Variants in TOR1B observed in about 807,000 individuals in gnomAD.
The protein encoded by TOR1B is torsin family 1 member B.
A neutral mutation model predicts 29.2 loss-of-function variants in TOR1B; 14 were observed. The observed-to-expected ratio is 0.48, with a 90% CI of 0.32 to 0.75. The LOEUF (loss-of-function observed/expected upper bound fraction) is 0.75, where lower values mean the gene tolerates loss of function less well. TOR1B is among the 30% of genes least tolerant of loss of function. The pLI, the probability that TOR1B is intolerant of heterozygous loss-of-function variation, is 0.04. For missense variants in TOR1B, 400 were observed against 433.9 expected (o/e 0.92, Z 0.69); for synonymous variants, 166 against 179.8 (o/e 0.92, Z 0.62).
At position 129,804,323 on chromosome 9, in the gene TOR1B, G is replaced by T. The variant is rs779433929; in HGVS notation, c.450G>T (p.Lys150Asn). The change falls in exon 2 of 5, where the codon AAG (lysine) becomes AAT (asparagine). Residue 150 changes from lysine (K) to asparagine (N), a missense_variant. By Grantham distance (94) the Lys-to-Asn change is moderately conservative (BLOSUM62 0). Coordinates refer to ENST00000259339, the MANE Select transcript of TOR1B (RefSeq NM_014506.3). ...CTCTGCACTTCCCTCATGAGCAGAA[G>T]ATAAAACTGTACCAGGCAAGAGAAC... ...VSTLHFPHEQKIKLYQDQLQK... is the reference protein window; with the variant it reads ...VSTLHFPHEQNIKLYQDQLQK... The T allele has an allele frequency of 3.2e-5, 51 of 1,612,620 alleles. No homozygotes were observed. Among genetic ancestry groups the T allele is most frequent in the Non-Finnish European group, 2.4e-5 (28 of 1,178,726 alleles).
chr9:129,807,581 G>A (rs1031762692), intron 3 of TOR1B, among the ~76,000 whole-genome samples: 32 of 152,128 alleles, frequency 2.1e-4, no homozygotes, highest in Non-Finnish European at 4.1e-4. Flanking sequence ...GGCCAGGCGC[G>A]GTGGCTCACA....
chr9:129,804,631 C>T (rs1395680038), intron 2 of TOR1B, among the ~76,000 whole-genome samples: 2 of 149,426 alleles, frequency 1.3e-5, no homozygotes, highest in Non-Finnish European at 3.0e-5. Context: ...GAAGCCGAGG[C>T]GGGCGGATCA....
intron 1 of TOR1B, 106 bp downstream of exon 1, chr9:129,803,517 A>T (rs1035296046): frequency 1.7e-6 from 2 of 1,179,498 alleles, no homozygotes; most frequent in Non-Finnish European, 2.1e-6. Context: ...GGCCCGTGGC[A>T]TCTAGACGGC....
Position 129,811,051 on chromosome 9 carries a change from G to C in TOR1B, c.*1468G>C, listed in dbSNP as rs1273907030. ...AGCACAGCTGCAGACACAACAACGTGCAGCATTTTTTACATAAAAATATGG... is the reference window on the plus strand; with the variant it reads ...AGCACAGCTGCAGACACAACAACGTCCAGCATTTTTTACATAAAAATATGG... On this transcript the variant is annotated 3_prime_UTR_variant, in exon 5 of 5. Transcript: ENST00000259339. 6.6e-6 allele frequency: 1 copy of C among 152,088 alleles called. No homozygotes were observed. The highest frequency in any genetic ancestry group is 2.4e-5 in the African/African-American group (1 of 41,380). The allele number at this position is 152,088 out of a possible 1,614,324, so 9.4% of individuals were successfully genotyped here. A position where few individuals can be genotyped will look rare whatever the true frequency, so the allele number is the denominator to read the frequency against.
chr9:129,810,096 G>A lies in TOR1B; in HGVS notation c.*513G>A. 4 of 1,276,048 alleles carry A rather than the reference G, an allele frequency of 3.1e-6. No homozygotes were observed. Among genetic ancestry groups the A allele is most frequent in the Non-Finnish European group, 2.1e-6 (2 of 969,274 alleles). 79.0% of individuals were successfully genotyped at this position (1,276,048 alleles called of 1,614,324 possible). On this transcript the variant is annotated 3_prime_UTR_variant, in exon 5 of 5. Coordinates refer to ENST00000259339, the MANE Select transcript of TOR1B (RefSeq NM_014506.3). ...CAGCACCCGCGCCTCAGAAGCTACG[G>A]TCACAACTAAAGGAGTCCAGGGACT...
Position 129,808,762 on chromosome 9 carries a change from G to A in TOR1B, c.642-143G>A, listed in dbSNP as rs1201947129. On this transcript the variant is annotated intron_variant, in intron 3 of 4. Transcript: ENST00000259339. Reference sequence around the variant, plus strand: ...AGATGGGGTTACTCTATGTTGGTCAGGCTGGCCTTGAACTCCCGACCTCAG... The same window carrying A: ...AGATGGGGTTACTCTATGTTGGTCAAGCTGGCCTTGAACTCCCGACCTCAG... 4.3e-6 allele frequency: 4 copies of A among 924,096 alleles called. No homozygotes were observed. The East Asian group carries it at 1.1e-4, about 26-fold the overall frequency. The allele number at this position is 924,096 out of a possible 1,614,324, so 57.2% of individuals were successfully genotyped here.
In TOR1B at chr9:129,803,244, C is replaced by T. The variant is rs2030259794; in HGVS notation, c.32C>T (p.Ala11Val). MLRAGWLRGA[A>V]ALALLLAARV... ...CGGGCTGGGTGGCTCCGGGGCGCGG[C>T]GGCGCTGGCGCTGCTGCTGGCGGCC... The change falls in exon 1 of 5, where the codon GCG (alanine) becomes GTG (valine). Residue 11 changes from alanine to valine, a missense_variant. Coordinates refer to ENST00000259339, the MANE Select transcript of TOR1B (RefSeq NM_014506.3). 3 of 1,542,634 alleles carry T rather than the reference C, an allele frequency of 1.9e-6. No homozygotes were observed. The highest frequency in any genetic ancestry group is 2.6e-6 in the Non-Finnish European group (3 of 1,151,684).
At position 129,809,646 on chromosome 9, in the gene TOR1B, C is replaced by G; in HGVS notation, c.*63C>G. ...TCCGCACGCCAGAGGCCTTGCCTTTCAGAAGAACCCTGAAGACCGCTTTGG... is the reference window on the plus strand; with the variant it reads ...TCCGCACGCCAGAGGCCTTGCCTTTGAGAAGAACCCTGAAGACCGCTTTGG... On this transcript the variant is annotated 3_prime_UTR_variant, in exon 5 of 5. Coordinates refer to ENST00000259339, the MANE Select transcript of TOR1B (RefSeq NM_014506.3). 1.3e-6 allele frequency: 2 copies of G among 1,598,246 alleles called. No homozygotes were observed. The highest frequency in any genetic ancestry group is 1.7e-5 in the Admixed American group (1 of 57,950).
intron 4 of TOR1B, 70 bp from the exon 5 acceptor site, chr9:129,809,272 T>C: frequency 6.2e-7 from 1 of 1,604,366 alleles, no homozygotes; most frequent in Non-Finnish European, 8.5e-7. Context: ...AGGAATGTGC[T>C]GAGGGTCGGG....
At chr9:129,804,429 T>C in intron 2 of TOR1B, 91 bp downstream of exon 2, 1 of 1,524,792 alleles carries the variant, frequency 6.6e-7, no homozygotes, top group Admixed American at 1.9e-5. Context: ...TCTCTTTCCT[T>C]TGTGTTGCTG....
Position 129,803,402 on chromosome 9 carries a change from A to C in TOR1B, c.190A>C (p.Asn64His). The part of the protein sequence containing the change: ...AECCREERPL[N>H]ASALKLDLEE... ...GTGCTGCCGCGAGGAGCGGCCGCTCAACGCTTCGGGTACGGCGCGCGCGCG... is the reference window on the plus strand; with the variant it reads ...GTGCTGCCGCGAGGAGCGGCCGCTCCACGCTTCGGGTACGGCGCGCGCGCG... Residue 64 changes from asparagine to histidine, a missense_variant, in exon 1 of 5, where the codon AAC becomes CAC. Physicochemically the swap from Asn to His is moderately conservative, Grantham distance 68 (BLOSUM62 1). Transcript: ENST00000259339. The C allele has an allele frequency of 6.5e-7, 1 of 1,542,760 alleles. No individual in the cohort carries two copies. The highest frequency in any genetic ancestry group is 8.7e-7 in the Non-Finnish European group (1 of 1,148,574).
intron 2 of TOR1B, 68 bp from the exon 3 acceptor site, chr9:129,807,120 G>A (rs981958842): frequency 6.6e-7 from 1 of 1,520,988 alleles, no homozygotes; most frequent in African/African-American, 1.4e-5. Context: ...GGAGCAGATG[G>A]AGCCTGCGCG....
rs1169941480 is a variant in TOR1B, at chr9:129,804,070, C to CAGCT, written c.200-2_201dup. ...TCTCTTTGTTCTGGGGCTGTTCTTG[C>CAGCT]AGCTCTCAAGCTGGATTTGGAGGAG... On this transcript the variant is annotated splice_region_variant and splice_polypyrimidine_tract_variant and intron_variant, in intron 1 of 4. Transcript: ENST00000259339. 1 of 1,613,850 alleles carries CAGCT rather than the reference C, an allele frequency of 6.2e-7. No homozygotes were observed. The highest frequency in any genetic ancestry group is 1.1e-5 in the South Asian group (1 of 91,074).
In TOR1B at chr9:129,807,379, T is replaced by G. The variant is rs543571702; in HGVS notation, c.641+16T>G. ...TCTTTCTCAGGTCAGCGGGAGGCGG[T>G]TTTTTGGGGCACACAAGCCCTTCAT... On this transcript the variant is annotated intron_variant, in intron 3 of 4. Transcript: ENST00000259339. The G allele has an allele frequency of 6.2e-7, 1 of 1,610,820 alleles. No individual in the cohort carries two copies. The highest frequency in any genetic ancestry group is 1.1e-5 in the South Asian group (1 of 90,826).
chr9:129,804,144 A>G lies in TOR1B; in HGVS notation c.271A>G (p.Thr91Ala), dbSNP rs1203994247. 1 of 1,614,234 alleles carries G rather than the reference A, an allele frequency of 6.2e-7. No homozygotes were observed. Among genetic ancestry groups the G allele is most frequent in the South Asian group, 1.1e-5 (1 of 91,090 alleles). Residue 91 changes from threonine to alanine, a missense_variant, in exon 2 of 5, where the codon ACT becomes GCT. Thr to Ala is a moderately conservative substitution (Grantham distance 58, BLOSUM62 0). Coordinates refer to ENST00000259339, the MANE Select transcript of TOR1B (RefSeq NM_014506.3). The stretch of plus-strand genomic sequence containing the variant: ...CACGGAAGTGATTTTCAAGGCGCTG[A>G]CTGGCTTCAGGAACAACAAAAATCC... ...LATEVIFKAL[T>A]GFRNNKNPKK...
rs1274356428 is a variant in TOR1B at position 129,810,138 on chromosome 9, G to C, written c.*555G>C. The C allele has an allele frequency of 1.5e-6, 2 of 1,301,850 alleles. No individual in the cohort carries two copies. Among genetic ancestry groups the C allele is most frequent in the Non-Finnish European group, 2.0e-6 (2 of 987,212 alleles). The allele number at this position is 1,301,850 out of a possible 1,614,324, so 80.6% of individuals were successfully genotyped here. A position where few individuals can be genotyped will look rare whatever the true frequency, so the allele number is the denominator to read the frequency against. ...CCAGGGACTTGCTGCAGGCTGGGGG[G>C]CACTGGGTGGTTCTCACCAGCAGGC... On this transcript the variant is annotated 3_prime_UTR_variant, in exon 5 of 5. Coordinates refer to ENST00000259339, the MANE Select transcript of TOR1B (RefSeq NM_014506.3).
Position 129,809,513 on chromosome 9 carries a change from T to C in TOR1B, c.941T>C (p.Phe314Ser). Residue 314 changes from phenylalanine (F) to serine (S), a missense_variant, in exon 5 of 5, where the codon TTC becomes TCC. Physicochemically the swap from Phe to Ser is radical, Grantham distance 155. Transcript: ENST00000259339. ...VTRVAEEMTFFPRDEKIYSDK... is the reference protein window; with the variant it reads ...VTRVAEEMTFSPRDEKIYSDK... The stretch of plus-strand genomic sequence containing the variant: ...AGAGTGGCAGAGGAAATGACGTTTT[T>C]CCCCAGAGACGAGAAAATCTACTCA... The C allele has an allele frequency of 1.2e-6, 2 of 1,614,138 alleles. No individual in the cohort carries two copies. Among genetic ancestry groups the C allele is most frequent in the Middle Eastern group, 1.6e-4 (1 of 6,062 alleles).
chr9:129,804,044 C>T, intron 1 of TOR1B, 29 bp from the exon 2 acceptor site: 1 of 1,611,488 alleles, frequency 6.2e-7, no homozygotes, highest in Non-Finnish European at 8.5e-7. Flanking sequence ...AGGTCTGTTT[C>T]TCTCTTTGTT....
In TOR1B at chr9:129,810,539, T is replaced by C. The variant is rs1014568894; in HGVS notation, c.*956T>C. The C allele has an allele frequency of 1.4e-6, 1 of 699,452 alleles. No homozygotes were observed. The highest frequency in any genetic ancestry group is 1.9e-6 in the Non-Finnish European group (1 of 534,516). 43.3% of individuals were successfully genotyped at this position (699,452 alleles called of 1,614,324 possible). A position where few individuals can be genotyped will look rare whatever the true frequency, so the allele number is the denominator to read the frequency against. On this transcript the variant is annotated 3_prime_UTR_variant, in exon 5 of 5. Coordinates refer to ENST00000259339, the MANE Select transcript of TOR1B (RefSeq NM_014506.3). The stretch of plus-strand genomic sequence containing the variant: ...ATCTCTGCTAGAGTCCCCCCAACCA[T>C]ATATCATAGAGTTGAATCACAATGA...
Sources: allele counts gnomAD v4.1 joint callset (sites outside exome capture counted in the v4.1 genomes callset), GRCh38; gene constraint gnomAD v4.1.1; transcripts MANE v1.5; gene names NCBI Gene and HGNC (gene_info 2026-07-23, HGNC 2026-07-21).